CBARP: variants seen among roughly 807,000 people sequenced by gnomAD.
CBARP encodes voltage-dependent calcium channel beta subunit-associated regulatory protein.
In CBARP, 24 loss-of-function variants were observed where a neutral mutation model predicts 36.3. The observed-to-expected ratio is 0.66, with a 90% CI of 0.48 to 0.93. The LOEUF (loss-of-function observed/expected upper bound fraction) is 0.93. CBARP is among the 40% of genes least tolerant of loss of function. The pLI is 0.00. For missense variants in CBARP, 1,146 were observed against 980.4 expected, an observed-to-expected ratio of 1.17 and a Z score of -2.26; for synonymous variants, 586 against 453.2, an observed-to-expected ratio of 1.29 and a Z score of -3.72.
intron 8 of CBARP, 145 bp downstream of exon 8, chr19:1,233,281 C>T (rs764578967): frequency 3.5e-5 from 31 of 884,566 alleles, no homozygotes; most frequent in African/African-American, 5.1e-5. Flanking sequence ...GCAGCACGCC[C>T]GCTGGCAGAC....
chr19:1,230,201 GC>G, intron 9 of CBARP, 59 bp from the exon 10 acceptor site: 1 of 994,954 alleles, frequency 1.0e-6, no homozygotes, highest in Non-Finnish European at 1.2e-6. Context: ...TACCCGGCCG[GC>G]CATCCCGCCT....
chr19:1,235,297 C>T lies in CBARP; in HGVS notation c.311-152G>A, dbSNP rs369561639. 19 of 1,048,742 alleles carry T rather than the reference C, an allele frequency of 1.8e-5. No homozygotes were observed. The South Asian group carries it at 2.4e-4, about 13-fold the overall frequency. 65.0% of individuals were successfully genotyped at this position (1,048,742 alleles called of 1,614,324 possible). Reference sequence around the variant, plus strand: ...GCGGGGCGAGGGACACTCGTCCATCCGCTCACACACTCACTCGCTCAGCAC... The same window carrying T: ...GCGGGGCGAGGGACACTCGTCCATCTGCTCACACACTCACTCGCTCAGCAC... On this transcript the variant is annotated intron_variant, in intron 4 of 9. Coordinates refer to ENST00000650044, the MANE Select transcript of CBARP (RefSeq NM_001393918.1).
In CBARP at chr19:1,229,427, C is replaced by T. The variant is rs1216792173; in HGVS notation, c.1870G>A (p.Gly624Ser). Residue 624 changes from glycine to serine, a missense_variant, in exon 10 of 10, where the codon GGC (glycine) becomes AGC (serine). Gly to Ser is a moderately conservative substitution (Grantham distance 56, BLOSUM62 0). Transcript: ENST00000650044. The surrounding 1 kb of genome is among the most constrained non-coding windows in gnomAD (Gnocchi z 5.1). ...APLRRGDSVD[G>S]PPDGRTLGGA... is the part of the protein sequence containing the mutation. ...CCCAGGGTGCGACCGTCGGGCGGGCCGTCCACGCTGTCGCCGCGCCGCAAG... is the reference window on the plus strand; with the variant it reads ...CCCAGGGTGCGACCGTCGGGCGGGCTGTCCACGCTGTCGCCGCGCCGCAAG... 4 of 999,174 alleles carry T rather than the reference C, an allele frequency of 4.0e-6. No homozygotes were observed. Among genetic ancestry groups the T allele is most frequent in the South Asian group, 3.6e-5 (1 of 28,066 alleles). The allele number at this position is 999,174 out of a possible 1,614,324, so 61.9% of individuals were successfully genotyped here.
intron 1 of CBARP, among the ~76,000 whole-genome samples, chr19:1,237,344 G>T (rs936890564): frequency 4.6e-5 from 7 of 152,126 alleles, no homozygotes; most frequent in Non-Finnish European, 1.0e-4. Flanking sequence ...GACAGGCGCA[G>T]GATGGTGACC....
rs1459106161 is a variant in CBARP at position 1,229,208 on chromosome 19, GGGC to G, written c.2086_2088del (p.Ala696del). 2 of 1,207,810 alleles carry G rather than the reference GGGC, an allele frequency of 1.7e-6. No homozygotes were observed. The highest frequency in any genetic ancestry group is 2.1e-6 in the Non-Finnish European group (2 of 949,658). 74.8% of individuals were successfully genotyped at this position (1,207,810 alleles called of 1,614,324 possible). A position where few individuals can be genotyped will look rare whatever the true frequency, so the allele number is the denominator to read the frequency against. ...GCCGGGCTGTGGTCGGGGGACGTGGGGGCGGCGGCGACCAACGCGGGAGTCGCC... is the reference window on the plus strand; with the variant it reads ...GCCGGGCTGTGGTCGGGGGACGTGGGGGCGGCGACCAACGCGGGAGTCGCC... On this transcript the variant is annotated inframe_deletion, in exon 10 of 10. Coordinates refer to ENST00000650044, the MANE Select transcript of CBARP (RefSeq NM_001393918.1). This position sits in a 1 kb window ranked among gnomAD's most constrained non-coding sequence, Gnocchi z 5.1.
At chr19:1,234,533 G>T (rs114502625) in intron 6 of CBARP, 38 bp downstream of exon 6, 1 of 1,559,166 alleles carries the variant, frequency 6.4e-7, no homozygotes. Flanking sequence ...GCTGCCTCCC[G>T]TCCCCCGAGG....
At position 1,235,575 on chromosome 19, in the gene CBARP, A is replaced by T. The variant is rs1447034098; in HGVS notation, c.246-10T>A. On this transcript the variant is annotated splice_polypyrimidine_tract_variant and intron_variant, in intron 3 of 9. Coordinates refer to ENST00000650044, the MANE Select transcript of CBARP (RefSeq NM_001393918.1). ...CGCTTCCTCCATGGCCCTGGGAGAG[A>T]CGTTGGGAGAGCCCAGTGGCACGGA... 1 of 1,606,874 alleles carries T rather than the reference A, an allele frequency of 6.2e-7. No individual in the cohort carries two copies. The highest frequency in any genetic ancestry group is 8.5e-7 in the Non-Finnish European group (1 of 1,177,142).
At chr19:1,235,370 C>A in intron 4 of CBARP, 131 bp downstream of exon 4, 3 of 1,156,690 alleles carry the variant, frequency 2.6e-6, no homozygotes, top group South Asian at 1.6e-5. Context: ...AGAGATGAGT[C>A]GGAATCGAGC....
Position 1,229,585 on chromosome 19 carries a change from G to C in CBARP, c.1712C>G (p.Ala571Gly). 1 of 1,180,542 alleles carries C rather than the reference G, an allele frequency of 8.5e-7. No individual in the cohort carries two copies. The highest frequency in any genetic ancestry group is 1.1e-6 in the Non-Finnish European group (1 of 938,436). The allele number at this position is 1,180,542 out of a possible 1,614,324, so 73.1% of individuals were successfully genotyped here. A position where few individuals can be genotyped will look rare whatever the true frequency, so the allele number is the denominator to read the frequency against. ...TTTGCGGGCGTGCGGGTGCGCGCGG[G>C]CGCGGTGTCGCGCGGCAGCCGGCGT... is the stretch of plus-strand genomic sequence containing the variant. Reference protein sequence around the residue: ...DDTPAAARHRARAHPHARKQW... With the variant: ...DDTPAAARHRGRAHPHARKQW... The change falls in exon 10 of 10, where the codon GCC (alanine) becomes GGC (glycine). Residue 571 changes from alanine (A) to glycine (G), a missense_variant. Ala to Gly is a moderately conservative substitution (Grantham distance 60, BLOSUM62 0). Coordinates refer to ENST00000650044, the MANE Select transcript of CBARP (RefSeq NM_001393918.1). The surrounding 1 kb of genome is among the most constrained non-coding windows in gnomAD (Gnocchi z 5.1).
At chr19:1,235,718 C>T (rs1341657461) in intron 3 of CBARP, 61 bp downstream of exon 3, 11 of 1,604,352 alleles carry the variant, frequency 6.9e-6, no homozygotes, top group African/African-American at 2.7e-5. Context: ...GTAGACCCCC[C>T]ACCACCCGAT....
intron 1 of CBARP, among the ~76,000 whole-genome samples, chr19:1,237,447 G>T (rs1182367177): frequency 6.6e-6 from 1 of 152,074 alleles, no homozygotes; most frequent in Non-Finnish European, 1.5e-5. Flanking sequence ...TCCCCACGGG[G>T]CAGCACCGCG....
In CBARP at chr19:1,235,048, C is replaced by T. The variant is rs1357041107; in HGVS notation, c.408G>A (p.Glu136=). The part of the protein sequence containing the change: ...SSTGRRVSFN[E]AALFEQSRKT... ...TGCGGCTCTGCTCAAACAGCGCCGC[C>T]TCATTGAAGGAGACCCGGCGGCCCG... The change falls in exon 5 of 10, where the codon GAG becomes GAA. Residue 136 remains glutamate, a synonymous_variant. Transcript: ENST00000650044. The T allele has an allele frequency of 1.2e-6, 2 of 1,611,308 alleles. No homozygotes were observed. Among genetic ancestry groups the T allele is most frequent in the Non-Finnish European group, 1.7e-6 (2 of 1,179,262 alleles).
At chr19:1,235,642 G>T in intron 3 of CBARP, 77 bp from the exon 4 acceptor site, 1 of 1,582,296 alleles carries the variant, frequency 6.3e-7, no homozygotes, top group Non-Finnish European at 8.6e-7. Context: ...TTTGCCCCAA[G>T]CCAAGCCCTG....
chr19:1,231,670 G>T (rs867556061), intron 8 of CBARP, among the ~76,000 whole-genome samples: 1 of 146,980 alleles, frequency 6.8e-6, no homozygotes, highest in Non-Finnish European at 1.5e-5. Flanking sequence ...CACACAACGC[G>T]TGTGCCCTGT....
At position 1,231,146 on chromosome 19, in the gene CBARP, G is replaced by C. The variant is rs1425480239; in HGVS notation, c.1109C>G (p.Pro370Arg). The change falls in exon 9 of 10, where the codon CCG (proline) becomes CGG (arginine). Residue 370 changes from proline (P) to arginine (R), a missense_variant. By Grantham distance (103) the Pro-to-Arg change is moderately radical. Transcript: ENST00000650044. ...IARAGDAVAFPHPRPFLASPP... is the reference protein window; with the variant it reads ...IARAGDAVAFRHPRPFLASPP... ...GCTGGCCAGAAAGGGGCGGGGGTGCGGGAAGGCCACGGCGTCGCCCGCCCG... is the reference window on the plus strand; with the variant it reads ...GCTGGCCAGAAAGGGGCGGGGGTGCCGGAAGGCCACGGCGTCGCCCGCCCG... The C allele has an allele frequency of 6.2e-7, 1 of 1,600,590 alleles. No individual in the cohort carries two copies. The highest frequency in any genetic ancestry group is 1.7e-5 in the Admixed American group (1 of 59,438).
intron 4 of CBARP, 145 bp from the exon 5 acceptor site, chr19:1,235,290 G>A (rs1048033530): frequency 1.5e-5 from 16 of 1,085,662 alleles, no homozygotes; most frequent in South Asian, 2.0e-5. Context: ...AGGGACACTC[G>A]TCCATCCGCT....
Position 1,229,468 on chromosome 19 carries a change from C to T in CBARP, c.1829G>A (p.Arg610Gln), listed in dbSNP as rs1483688956. 1.0e-6 allele frequency: 1 copy of T among 978,924 alleles called. No individual in the cohort carries two copies. The highest frequency in any genetic ancestry group is 1.8e-5 in the African/African-American group (1 of 56,472). The allele number at this position is 978,924 out of a possible 1,614,324, so 60.6% of individuals were successfully genotyped here. A position where few individuals can be genotyped will look rare whatever the true frequency, so the allele number is the denominator to read the frequency against. Residue 610 changes from arginine to glutamine, a missense_variant, in exon 10 of 10, where the codon CGA (arginine) becomes CAA (glutamine). Coordinates refer to ENST00000650044, the MANE Select transcript of CBARP (RefSeq NM_001393918.1). The surrounding 1 kb of genome is among the most constrained non-coding windows in gnomAD (Gnocchi z 5.1). ...GCGCCGCAAGGGCGCACGCGCGGGTCGGGCCGCGCCGGCAGGCGGTGCCGG... is the reference window on the plus strand; with the variant it reads ...GCGCCGCAAGGGCGCACGCGCGGGTTGGGCCGCGCCGGCAGGCGGTGCCGG... ...GTPAPPAGAARPARAPLRRGD... is the reference protein window; with the variant it reads ...GTPAPPAGAAQPARAPLRRGD...
At chr19:1,234,447 C>T in intron 6 of CBARP, 116 bp from the exon 7 acceptor site, 6 of 1,435,656 alleles carry the variant, frequency 4.2e-6, no homozygotes, top group Non-Finnish European at 5.5e-6. Context: ...CTGCTCCACC[C>T]CACCCCGCCC....
chr19:1,231,211 C>T lies in CBARP; in HGVS notation c.1044G>A (p.Glu348=), dbSNP rs1374945077. 27 of 1,602,898 alleles carry T rather than the reference C, an allele frequency of 1.7e-5. No homozygotes were observed. The East Asian group carries it at 6.0e-4, about 36-fold the overall frequency. The stretch of plus-strand genomic sequence containing the variant: ...TGAAGTCCTCCTGGGGGGCATCCCC[C>T]TCCTCCTGCTCCGTGCTCTCACTGG... ...RAASESTEQE[E]GDAPQEDFIQ... is the part of the protein sequence containing the mutation. The change falls in exon 9 of 10, where the codon GAG becomes GAA. Residue 348 remains glutamate, a synonymous_variant. Transcript: ENST00000650044.
Sources: gnomAD v4.1 joint callset for allele counts (sites outside exome capture counted in the v4.1 genomes callset) on GRCh38, gnomAD v4.1.1 for gene constraint, Gnocchi (gnomAD v3.1) non-coding constraint, MANE v1.5 for transcripts, NCBI Gene and HGNC (gene_info 2026-07-23, HGNC 2026-07-21) for gene names.